Variants in RAD51B observed in about 807,000 individuals in gnomAD.
RAD51B encodes RAD51 paralog B.
In RAD51B, 38 loss-of-function variants were observed where a neutral mutation model predicts 42.2. The ratio of observed to expected loss-of-function variants is 0.90; its 90% CI spans 0.70 to 1.18. RAD51B has a LOEUF of 1.18. RAD51B is among the 50% of genes most tolerant of loss of function. RAD51B has a pLI of 0.00. For missense variants in RAD51B, 373 were observed against 400.7 expected (o/e 0.93, Z 0.59); for synonymous variants, 154 against 145.2 (o/e 1.06, Z -0.43).
intron 7 of RAD51B, among the ~76,000 whole-genome samples, chr14:68,185,587 A>G (rs758473498): frequency 6.6e-6 from 1 of 152,114 alleles, no homozygotes; most frequent in Non-Finnish European, 1.5e-5. Flanking sequence ...AATAGAATTC[A>G]GGCAGACGAG....
chr14:68,114,078 G>A (rs539835374), intron 7 of RAD51B: 1 of 152,206 alleles, frequency 6.6e-6, no homozygotes, highest in East Asian at 1.9e-4. Flanking sequence ...TTTGGTGAGA[G>A]TTTTCCACAC....
chr14:68,359,929 G>A (rs1223549077), intron 8 of RAD51B, among the ~76,000 whole-genome samples: 1 of 152,218 alleles, frequency 6.6e-6, no homozygotes, highest in African/African-American at 2.4e-5. Flanking sequence ...CTTTCCACTT[G>A]TTTGCTTTTA....
rs187347533 is a variant in RAD51B, at chr14:67,983,082, G to A, written c.756+95878G>A. On this transcript the variant is annotated intron_variant, in intron 7 of 10. Transcript: ENST00000471583. ...CCCTGTCTCTTAATCTGTAGAAACT[G>A]TCTAATACTATTACTACTGTATTAG... Among the ~76,000 whole-genome samples, 5 of 152,122 alleles carry A rather than the reference G, an allele frequency of 3.3e-5. No homozygotes were observed. The East Asian group carries it at 9.7e-4, about 29-fold the overall frequency.
At chr14:68,078,994 A>G (rs1356281000) in intron 7 of RAD51B, among the ~76,000 whole-genome samples, 3 of 152,186 alleles carry the variant, frequency 2.0e-5, no homozygotes, top group Non-Finnish European at 2.9e-5. Flanking sequence ...CTATCTCTAA[A>G]TAAATAAATA....
intron 8 of RAD51B, among the ~76,000 whole-genome samples, chr14:68,384,944 A>T (rs951553792): frequency 6.6e-6 from 1 of 152,214 alleles, no homozygotes; most frequent in East Asian, 1.9e-4. Context: ...CTCTGTGGCC[A>T]TGACCTTCTG....
chr14:68,062,381 T>A (rs1217151046), intron 7 of RAD51B, among the ~76,000 whole-genome samples: 2 of 152,186 alleles, frequency 1.3e-5, no homozygotes, highest in Non-Finnish European at 2.9e-5. Flanking sequence ...CTTGTCTGGT[T>A]TTGGTATCAG....
At chr14:67,890,401 G>A (rs2043182601) in intron 7 of RAD51B, among the ~76,000 whole-genome samples, 1 of 151,646 alleles carries the variant, frequency 6.6e-6, no homozygotes, top group Admixed American at 6.6e-5. Context: ...TTCCACAGCA[G>A]AATTTTCTTT....
intron 8 of RAD51B, among the ~76,000 whole-genome samples, chr14:68,326,166 G>A (rs2082249005): frequency 6.7e-6 from 1 of 149,428 alleles, no homozygotes; most frequent in African/African-American, 2.5e-5. Context: ...TCAGCCTCCC[G>A]AGTAGCTGGT....
chr14:68,390,585 C>T (rs1334977386), intron 8 of RAD51B, among the ~76,000 whole-genome samples: 1 of 152,120 alleles, frequency 6.6e-6, no homozygotes, highest in African/African-American at 2.4e-5. Context: ...TGGAGACAGA[C>T]CAGCATTGAA....
chr14:67,823,865 T>G (rs1454508113), intron 2 of RAD51B, among the ~76,000 whole-genome samples: 2 of 152,180 alleles, frequency 1.3e-5, no homozygotes, highest in African/African-American at 2.4e-5. Context: ...CGGCATAAGG[T>G]GAAGTAACAG....
chr14:68,484,477 CCTCCCGAGTAG>C (rs375189712), intron 10 of RAD51B, among the ~76,000 whole-genome samples: 2,714 of 151,918 alleles, frequency 0.018, 105 homozygotes, highest in African/African-American at 0.062. Flanking sequence ...CCTGCCTCAG[CCTCCCGAGTAG>C]CTGGGACTAC....
At chr14:68,241,884 G>A (rs755117516) in intron 7 of RAD51B, among the ~76,000 whole-genome samples, 1 of 152,140 alleles carries the variant, frequency 6.6e-6, no homozygotes, top group Non-Finnish European at 1.5e-5. Context: ...CCTACACTCA[G>A]TTTCCCCATC....
intron 7 of RAD51B, among the ~76,000 whole-genome samples, chr14:68,091,166 T>G (rs574336300): frequency 2.2e-4 from 34 of 152,152 alleles, no homozygotes; most frequent in Admixed American, 6.6e-4. Context: ...AAACATACGT[T>G]TGCATGTGTC....
At chr14:68,319,151 T>A (rs2082114381) in intron 8 of RAD51B, among the ~76,000 whole-genome samples, 1 of 152,136 alleles carries the variant, frequency 6.6e-6, no homozygotes, top group Non-Finnish European at 1.5e-5. Flanking sequence ...GGAGTTTTTG[T>A]TGTTGTTGTT....
chr14:68,017,497 A>G (rs2075796712), intron 7 of RAD51B, among the ~76,000 whole-genome samples: 1 of 152,064 alleles, frequency 6.6e-6, no homozygotes, highest in Non-Finnish European at 1.5e-5. Context: ...CACCCAGCCT[A>G]TCTTTTTTAT....
chr14:67,822,686 G>A (rs971351568), intron 1 of RAD51B, among the ~76,000 whole-genome samples: 3 of 151,964 alleles, frequency 2.0e-5, no homozygotes, highest in African/African-American at 7.3e-5. Flanking sequence ...TCGAGCCACT[G>A]CACTCCAGCT....
chr14:67,826,248 A>G (rs2040829279), intron 3 of RAD51B, among the ~76,000 whole-genome samples: 1 of 152,156 alleles, frequency 6.6e-6, no homozygotes, highest in African/African-American at 2.4e-5. Context: ...ACTGACCTTT[A>G]CCATCATCAC....
chr14:68,215,885 A>G (rs2079804357), intron 7 of RAD51B, among the ~76,000 whole-genome samples: 1 of 152,194 alleles, frequency 6.6e-6, no homozygotes. Context: ...ACCAAGGATA[A>G]TCTGAGGCTC....
At chr14:68,224,312 A>G (rs1383027141) in intron 7 of RAD51B, among the ~76,000 whole-genome samples, 1 of 152,186 alleles carries the variant, frequency 6.6e-6, no homozygotes, top group Non-Finnish European at 1.5e-5. Flanking sequence ...ATTGTACAAT[A>G]GTATCTCTCT....
Sources: allele counts gnomAD v4.1 joint callset (sites outside exome capture counted in the v4.1 genomes callset), GRCh38; gene constraint gnomAD v4.1.1; transcripts MANE v1.5; gene names NCBI Gene and HGNC (gene_info 2026-07-23, HGNC 2026-07-21).